The following MAEL variants were observed in gnomAD, a reference collection of about 807,000 sequenced individuals.
MAEL encodes protein maelstrom homolog.
In MAEL, 46 loss-of-function variants were observed where a neutral mutation model predicts 62.0. The observed-to-expected ratio is 0.74, with a 90% CI of 0.59 to 0.95. MAEL has a LOEUF of 0.95. MAEL is among the 40% of genes least tolerant of loss of function. The pLI is 0.00. For missense variants in MAEL, 497 were observed against 526.8 expected (o/e 0.94, Z 0.55); for synonymous variants, 172 against 175.5 (o/e 0.98, Z 0.16).
upstream of MAEL, among the ~76,000 whole-genome samples, chr1:166,985,812 A>G (rs1472677560): frequency 6.6e-6 from 1 of 152,226 alleles, no homozygotes; most frequent in Non-Finnish European, 1.5e-5. Context: ...AACATAATCC[A>G]TAAGAAGAAA....
At chr1:167,007,130 G>T in intron 8 of MAEL, among the ~76,000 whole-genome samples, 2 of 146,190 alleles carry the variant, frequency 1.4e-5, no homozygotes, top group South Asian at 2.2e-4. Context: ...GCATTCCACT[G>T]TAAAAAAAAA....
chr1:166,989,358 GA>G lies in MAEL; in HGVS notation c.8del (p.Asn3ThrfsTer44), dbSNP rs1557971205. The G allele has an allele frequency of 1.2e-6, 2 of 1,609,684 alleles. No individual in the cohort carries two copies. Among genetic ancestry groups the G allele is most frequent in the Non-Finnish European group, 1.7e-6 (2 of 1,178,148 alleles). ...GGAAGTTTGACCGCGCTGCCATGCCGAACCGTAAGGCCAGCCGGAATGCTTA... is the reference window on the plus strand; with the variant it reads ...GGAAGTTTGACCGCGCTGCCATGCCGACCGTAAGGCCAGCCGGAATGCTTA... MP[N>X]RKASRNAYYF... On this transcript the variant is annotated frameshift_variant, in exon 1 of 12. Coordinates refer to ENST00000367872, the MANE Select transcript of MAEL (RefSeq NM_032858.3). LOFTEE classifies it high-confidence loss of function.
chr1:166,998,973 AT>A (rs1302506611), intron 5 of MAEL, among the ~76,000 whole-genome samples: 1 of 152,122 alleles, frequency 6.6e-6, no homozygotes, highest in Non-Finnish European at 1.5e-5. Flanking sequence ...AAGATGGCAA[AT>A]TTAATTAATA....
At chr1:167,007,544 A>G (rs1381301724) in intron 8 of MAEL, among the ~76,000 whole-genome samples, 1 of 146,410 alleles carries the variant, frequency 6.8e-6, no homozygotes, top group African/African-American at 2.6e-5. Flanking sequence ...GTAGAGAGCT[A>G]GGAAATATAT....
chr1:166,980,931 C>T (rs1388951696), intron 1 of MAEL, among the ~76,000 whole-genome samples: 1 of 152,180 alleles, frequency 6.6e-6, no homozygotes, highest in African/African-American at 2.4e-5. Flanking sequence ...CAGCCCTACA[C>T]ATTCTCCTAA....
chr1:166,978,140 T>G (rs1418924146), intron 1 of MAEL, among the ~76,000 whole-genome samples: 2 of 152,150 alleles, frequency 1.3e-5, no homozygotes, highest in African/African-American at 4.8e-5. Flanking sequence ...GGAGAAGAGC[T>G]TGTGCCACAA....
intron 8 of MAEL, among the ~76,000 whole-genome samples, chr1:167,006,630 TA>T (rs1557982523): frequency 8.8e-4 from 77 of 87,630 alleles, no homozygotes; most frequent in African/African-American, 3.0e-3. Flanking sequence ...TATATATATA[TA>T]TATATACATT....
Position 166,983,579 on chromosome 1 carries a change from C to T in MAEL, c.-120-5822C>T, listed in dbSNP as rs532090161. Among the ~76,000 whole-genome samples, 9 of 152,284 alleles carry T rather than the reference C, an allele frequency of 5.9e-5. No homozygotes were observed. In the South Asian group the frequency reaches 1.9e-3, roughly 32 times the overall value. ...CCATAATAGAACTCTTGATCCACCC[C>T]CTCCACATATTTCAACCCAAACCTG... On this transcript the variant is annotated intron_variant, in intron 1 of 12. Transcript: ENST00000622874.
At position 167,022,128 on chromosome 1, in the gene MAEL, G is replaced by C. The variant is rs1665659908; in HGVS notation, c.*273G>C. ...TATATGAACAAAACTGACATTTTTA[G>C]AGTTGTACTTTTGGGAATGTTATAG... On this transcript the variant is annotated 3_prime_UTR_variant, in exon 12 of 12. Coordinates refer to ENST00000367872, the MANE Select transcript of MAEL (RefSeq NM_032858.3). 3.6e-5 allele frequency: 11 copies of C among 305,850 alleles called. No individual in the cohort carries two copies. In the South Asian group the frequency reaches 8.0e-4, roughly 22 times the overall value. The allele number at this position is 305,850 out of a possible 1,614,324, so 18.9% of individuals were successfully genotyped here. A position where few individuals can be genotyped will look rare whatever the true frequency, so the allele number is the denominator to read the frequency against.
chr1:166,989,416 C>T lies in MAEL; in HGVS notation c.64C>T (p.Leu22=). 6.2e-7 allele frequency: 1 copy of T among 1,604,056 alleles called. No homozygotes were observed. The highest frequency in any genetic ancestry group is 1.1e-5 in the South Asian group (1 of 88,962). ...YFFVQEKIPE[L]RRRGLPVARV... ...CTTCGTGCAGGAGAAGATCCCCGAA[C>T]TACGGCGACGAGGCCTGCCTGTGGC... Residue 22 remains leucine, a synonymous_variant, in exon 1 of 12, where the codon CTA becomes TTA. Coordinates refer to ENST00000367872, the MANE Select transcript of MAEL (RefSeq NM_032858.3).
intron 1 of MAEL, among the ~76,000 whole-genome samples, chr1:166,983,584 A>C (rs1386470299): frequency 6.6e-6 from 1 of 152,132 alleles, no homozygotes; most frequent in Non-Finnish European, 1.5e-5. Flanking sequence ...CACCCCCTCC[A>C]CATATTTCAA....
intron 5 of MAEL, 147 bp downstream of exon 5, chr1:166,994,216 T>A: frequency 1.5e-6 from 1 of 676,946 alleles, no homozygotes. Flanking sequence ...ATAGATGGTG[T>A]CTGTGATCTT....
At chr1:167,021,446 T>C (rs1665626248) in intron 11 of MAEL, among the ~76,000 whole-genome samples, 1 of 152,152 alleles carries the variant, frequency 6.6e-6, no homozygotes, top group Non-Finnish European at 1.5e-5. Context: ...TAATGGTATC[T>C]TTTGTGGGGT....
chr1:166,989,277 G>A (rs188784403), upstream of MAEL: 41 of 1,534,024 alleles, frequency 2.7e-5, 1 homozygote, highest in East Asian at 9.5e-4. Context: ...GCCTACCTCT[G>A]TTACTTAGGG....
intron 8 of MAEL, among the ~76,000 whole-genome samples, chr1:167,013,070 A>G (rs532407195): frequency 1.7e-4 from 26 of 152,292 alleles, no homozygotes; most frequent in African/African-American, 6.0e-4. Flanking sequence ...GGTGTATACT[A>G]TTGGATAGAT....
intron 5 of MAEL, among the ~76,000 whole-genome samples, chr1:167,001,955 A>G (rs984814614): frequency 2.6e-5 from 4 of 151,968 alleles, no homozygotes; most frequent in Admixed American, 1.3e-4. Flanking sequence ...TAATTTTTGT[A>G]TTTTTATTAG....
At chr1:167,019,078 C>T (rs1213212712) in intron 10 of MAEL, among the ~76,000 whole-genome samples, 1 of 152,136 alleles carries the variant, frequency 6.6e-6, no homozygotes, top group East Asian at 1.9e-4. Flanking sequence ...TCCCTTTAAA[C>T]CTTTTGCCCA....
intron 8 of MAEL, among the ~76,000 whole-genome samples, chr1:167,014,388 T>C (rs1665291950): frequency 6.6e-6 from 1 of 152,238 alleles, no homozygotes; most frequent in South Asian, 2.1e-4. Context: ...TTGGAGCTGC[T>C]CTTGTACATA....
chr1:167,000,169 A>G (rs1664600897), intron 5 of MAEL, among the ~76,000 whole-genome samples: 1 of 152,244 alleles, frequency 6.6e-6, no homozygotes, highest in African/African-American at 2.4e-5. Flanking sequence ...TATAGCTGTC[A>G]TAAATGGTGA....
Sources: allele counts gnomAD v4.1 joint callset (sites outside exome capture counted in the v4.1 genomes callset), GRCh38; gene constraint gnomAD v4.1.1; transcripts MANE v1.5; gene names NCBI Gene and HGNC (gene_info 2026-07-23, HGNC 2026-07-21).